Variants in NTRK2 observed in about 807,000 individuals in gnomAD.
NTRK2 encodes BDNF/NT-3 growth factors receptor.
NTRK2 carries 13 observed loss-of-function variants against 94.5 expected under a neutral mutation model. The observed-to-expected ratio is 0.14, with a 90% CI of 0.09 to 0.22. The LOEUF (loss-of-function observed/expected upper bound fraction) is 0.22. Among genes scored for constraint, NTRK2 ranks in the 10% least tolerant of loss-of-function variants. The pLI, the probability that NTRK2 is intolerant of heterozygous loss-of-function variation, is 1.00. For missense variants in NTRK2, 639 were observed against 1,071.2 expected (o/e 0.60, Z 5.63); for synonymous variants, 372 against 407.4 (o/e 0.91, Z 1.05).
At chr9:84,867,522 C>T (rs1347188646) in intron 14 of NTRK2, 91 bp downstream of exon 14, 6 of 1,095,084 alleles carry the variant, frequency 5.5e-6, no homozygotes, top group Non-Finnish European at 8.5e-6. Flanking sequence ...GGATGACTGG[C>T]GGGGAACAGG....
At chr9:84,777,623 A>T (rs574607410) in intron 12 of NTRK2, among the ~76,000 whole-genome samples, 1 of 152,270 alleles carries the variant, frequency 6.6e-6, no homozygotes, top group East Asian at 1.9e-4. Flanking sequence ...GTACTCAAGG[A>T]TACAGTGGGG....
chr9:84,701,963 A>G (rs137876425), intron 2 of NTRK2, among the ~76,000 whole-genome samples, 196 bp from the exon 3 acceptor site: 73 of 152,266 alleles, frequency 4.8e-4, no homozygotes, highest in African/African-American at 1.7e-3. Flanking sequence ...AGGGTTATTG[A>G]CCATGAAACC....
rs183344464 is a variant in NTRK2, at chr9:84,948,505, G to A, written c.1808G>A (p.Arg603His). ...GACAATGCACGCAAGGACTTCCACC[G>A]TGAGGCCGAGCTCCTGACCAACCTC... The part of the protein sequence containing the change: ...ASDNARKDFH[R>H]EAELLTNLQH... The change falls in exon 16 of 19, where the codon CGT (arginine) becomes CAT (histidine). Residue 603 changes from arginine (R) to histidine (H), a missense_variant. This residue lies in a region of NTRK2 where 343 missense variants were observed against 571.5 expected (regional missense o/e 0.60). Coordinates refer to ENST00000277120, the MANE Select transcript of NTRK2 (RefSeq NM_006180.6). 8.7e-6 allele frequency: 14 copies of A among 1,614,116 alleles called. No individual in the cohort carries two copies. The highest frequency in any genetic ancestry group is 2.2e-5 in the East Asian group (1 of 44,878).
At chr9:84,711,402 AAT>A (rs1470161267) in intron 6 of NTRK2, among the ~76,000 whole-genome samples, 1 of 152,232 alleles carries the variant, frequency 6.6e-6, no homozygotes, top group Non-Finnish European at 1.5e-5. Flanking sequence ...AAGGGCACCG[AAT>A]GGCAAAATCA....
At chr9:84,891,067 T>A (rs1315518617) in intron 14 of NTRK2, among the ~76,000 whole-genome samples, 1 of 152,200 alleles carries the variant, frequency 6.6e-6, no homozygotes, top group Non-Finnish European at 1.5e-5. Context: ...GCTGTTTACT[T>A]CACCGTGTGC....
intron 17 of NTRK2, among the ~76,000 whole-genome samples, chr9:84,989,845 G>A (rs989533536): frequency 2.0e-5 from 3 of 152,138 alleles, no homozygotes; most frequent in East Asian, 1.9e-4. Flanking sequence ...TTCAAAAAAC[G>A]TCTTTGAAGG....
intron 2 of NTRK2, among the ~76,000 whole-genome samples, chr9:84,696,337 T>C (rs1473625187): frequency 6.6e-6 from 1 of 152,232 alleles, no homozygotes; most frequent in African/African-American, 2.4e-5. Flanking sequence ...AGTAAATAAG[T>C]AGTGGGTTTG....
At chr9:84,766,968 G>T (rs1201062401) in intron 12 of NTRK2, among the ~76,000 whole-genome samples, 1 of 152,056 alleles carries the variant, frequency 6.6e-6, no homozygotes, top group Admixed American at 6.6e-5. Context: ...GGTGTCTGCG[G>T]TTCCCCTGGG....
At chr9:84,842,180 T>G (rs1190408206) in intron 12 of NTRK2, among the ~76,000 whole-genome samples, 9 of 152,184 alleles carry the variant, frequency 5.9e-5, no homozygotes. Flanking sequence ...GACTGAGCTT[T>G]GTCTGGGTAT....
At chr9:84,895,279 G>A (rs2076725457) in intron 14 of NTRK2, among the ~76,000 whole-genome samples, 1 of 152,184 alleles carries the variant, frequency 6.6e-6, no homozygotes, top group African/African-American at 2.4e-5. Flanking sequence ...TGTGATTTTA[G>A]AAATCAATAG....
chr9:84,955,140 AAGTC>A (rs1194871694), intron 16 of NTRK2, 139 bp from the exon 17 acceptor site: 6 of 714,608 alleles, frequency 8.4e-6, no homozygotes, highest in Non-Finnish European at 1.5e-5. Flanking sequence ...TCTTCATGCT[AAGTC>A]AGGCAGCATC....
chr9:84,840,087 C>CT (rs1307018339), intron 12 of NTRK2, among the ~76,000 whole-genome samples: 1 of 151,772 alleles, frequency 6.6e-6, no homozygotes, highest in Non-Finnish European at 1.5e-5. Flanking sequence ...CTTCTTATTG[C>CT]TTTTTCTTGC....
intron 12 of NTRK2, among the ~76,000 whole-genome samples, chr9:84,769,811 T>G (rs1282566690): frequency 6.6e-6 from 1 of 152,168 alleles, no homozygotes; most frequent in Non-Finnish European, 1.5e-5. Context: ...AAATTGAATT[T>G]TATACTGTCA....
At chr9:84,673,857 G>A (rs925511326) in intron 2 of NTRK2, among the ~76,000 whole-genome samples, 4 of 152,064 alleles carry the variant, frequency 2.6e-5, no homozygotes, top group African/African-American at 4.8e-5. Flanking sequence ...TATGTATCAC[G>A]CCTGCTCAAC....
At chr9:84,876,396 T>G (rs1408893532) in intron 14 of NTRK2, 1 of 1,052,962 alleles carries the variant, frequency 9.5e-7, no homozygotes, top group East Asian at 5.4e-5. Flanking sequence ...TTCAGATCCA[T>G]TTATGTTTTC....
intron 11 of NTRK2, 37 bp from the exon 12 acceptor site, chr9:84,751,949 T>C (rs1370039526): frequency 6.6e-7 from 1 of 1,523,012 alleles, no homozygotes. Flanking sequence ...GGGAACTAAT[T>C]AGCAAGGTTA....
intron 2 of NTRK2, among the ~76,000 whole-genome samples, chr9:84,694,926 C>T (rs1294766234): frequency 2.6e-5 from 4 of 151,604 alleles, no homozygotes; most frequent in Non-Finnish European, 5.9e-5. Context: ...GTCTGTAATG[C>T]CAGCACTTCA....
intron 6 of NTRK2, among the ~76,000 whole-genome samples, chr9:84,718,174 C>A (rs1041803822): frequency 6.6e-6 from 1 of 151,984 alleles, no homozygotes; most frequent in African/African-American, 2.4e-5. Flanking sequence ...CAACTCAGGT[C>A]CATATCAGAT....
At position 84,881,788 on chromosome 9, in the gene NTRK2, C is replaced by G. The variant is rs140659433; in HGVS notation, c.1633+14357C>G. 3.2e-3 allele frequency among the ~76,000 whole-genome samples: 490 copies of G among 152,306 alleles called. 2 individuals carry two copies. The highest frequency in any genetic ancestry group is 0.011 in the African/African-American group (472 of 41,576). On this transcript the variant is annotated intron_variant, in intron 14 of 18. Coordinates refer to ENST00000277120, the MANE Select transcript of NTRK2 (RefSeq NM_006180.6). ...CAGTGTTGGGTTTGAAGCTTTTTCT[C>G]TTGCTCTTTCTGTCCCACCTCCTAA... is the stretch of plus-strand genomic sequence containing the variant.
Sources: allele counts gnomAD v4.1 joint callset (sites outside exome capture counted in the v4.1 genomes callset), GRCh38; gene constraint gnomAD v4.1.1; regional missense constraint gnomAD v4.1.1; transcripts MANE v1.5; gene names NCBI Gene and HGNC (gene_info 2026-07-23, HGNC 2026-07-21).